Variants in OLFML1 observed in about 807,000 individuals in gnomAD.
The protein encoded by OLFML1 is olfactomedin-like protein 1.
In OLFML1, 33 loss-of-function variants were observed where a neutral mutation model predicts 37.3. The observed-to-expected ratio is 0.88, with a 90% CI of 0.67 to 1.18. OLFML1 has a LOEUF of 1.18. OLFML1 is among the 50% of genes most tolerant of loss of function. The pLI is 0.00. For missense variants in OLFML1, 545 were observed against 483.7 expected (o/e 1.13, Z -1.19); for synonymous variants, 186 against 181.3 (o/e 1.03, Z -0.21).
In OLFML1 at chr11:7,488,427, G is replaced by T. The variant is rs184006858; in HGVS notation, c.418+12G>T. 865 of 1,601,916 alleles carry T rather than the reference G, an allele frequency of 5.4e-4. No homozygotes were observed. Among genetic ancestry groups the T allele is most frequent in the Admixed American group, 9.1e-4 (53 of 58,224 alleles). On this transcript the variant is annotated intron_variant, in intron 2 of 2. Transcript: ENST00000329293. ...TCTGCTGAATGCAAGTAAGAAAACTGCATCTTTTCCTAGCCCTTCTAGGGA... is the reference window on the plus strand; with the variant it reads ...TCTGCTGAATGCAAGTAAGAAAACTTCATCTTTTCCTAGCCCTTCTAGGGA...
chr11:7,496,547 T>A (rs912344712), intron 2 of OLFML1, among the ~76,000 whole-genome samples: 5 of 152,120 alleles, frequency 3.3e-5, no homozygotes, highest in African/African-American at 1.2e-4. Flanking sequence ...TGAGAAAGGA[T>A]AAAAAGAACA....
At chr11:7,497,275 AT>A (rs1474264450) in intron 2 of OLFML1, among the ~76,000 whole-genome samples, 4 of 152,220 alleles carry the variant, frequency 2.6e-5, no homozygotes, top group African/African-American at 4.8e-5. Context: ...TAAGACATGC[AT>A]CTGTGAAAAA....
chr11:7,501,910 A>T (rs1319837578), intron 2 of OLFML1, among the ~76,000 whole-genome samples: 1 of 152,172 alleles, frequency 6.6e-6, no homozygotes, highest in East Asian at 1.9e-4. Flanking sequence ...CTATCCATGA[A>T]GTTGAAGGAG....
rs772992576 is a variant in OLFML1, at chr11:7,488,261, G to C, written c.264G>C (p.Leu88Phe). 1 of 1,614,062 alleles carries C rather than the reference G, an allele frequency of 6.2e-7. No individual in the cohort carries two copies. The highest frequency in any genetic ancestry group is 8.5e-7 in the Non-Finnish European group (1 of 1,180,000). The change falls in exon 2 of 3, where the codon TTG becomes TTC. Residue 88 changes from leucine to phenylalanine, a missense_variant. Leu to Phe is a conservative substitution (Grantham distance 22). Transcript: ENST00000329293. The part of the protein sequence containing the change: ...TSEYKSAVGN[L>F]ALRVERAQRE... ...AGTACAAGAGTGCAGTGGGTAACTT[G>C]GCACTGAGAGTTGAACGTGCCCAAC...
At chr11:7,488,853 G>A (rs2134175144) in intron 2 of OLFML1, 1 of 163,210 alleles carries the variant, frequency 6.1e-6, no homozygotes, top group African/African-American at 2.4e-5. Context: ...CTCAGGGATG[G>A]GAACTGCAGT....
intron 2 of OLFML1, among the ~76,000 whole-genome samples, chr11:7,504,587 T>C (rs1442617572): frequency 1.3e-5 from 2 of 152,072 alleles, no homozygotes; most frequent in East Asian, 3.9e-4. Context: ...CAGGAGATGA[T>C]GTAGTTCTCC....
In OLFML1 at chr11:7,486,006, T is replaced by C; in HGVS notation, c.129+2T>C. The C allele has an allele frequency of 1.2e-6, 2 of 1,613,820 alleles. No homozygotes were observed. The highest frequency in any genetic ancestry group is 1.1e-5 in the South Asian group (1 of 91,044). On this transcript the variant is annotated splice_donor_variant, in intron 1 of 2. Transcript: ENST00000329293. LOFTEE classifies it high-confidence loss of function. Reference sequence around the variant, plus strand: ...TACCAGCGCTTTCGAGTCTTGGAGGTAGGTGGCATCTGTACACCTTGGATA... The same window carrying C: ...TACCAGCGCTTTCGAGTCTTGGAGGCAGGTGGCATCTGTACACCTTGGATA...
At position 7,498,767 on chromosome 11, in the gene OLFML1, C is replaced by T. The variant is rs569795789; in HGVS notation, c.418+10352C>T. On this transcript the variant is annotated intron_variant, in intron 2 of 2. Coordinates refer to ENST00000329293, the MANE Select transcript of OLFML1 (RefSeq NM_198474.4). Reference sequence around the variant, plus strand: ...GAATTCATCACTCTTCCCAAGCCAACCTGCTTTTCCTTCTCTGCTGCTATC... The same window carrying T: ...GAATTCATCACTCTTCCCAAGCCAATCTGCTTTTCCTTCTCTGCTGCTATC... Among the ~76,000 whole-genome samples the T allele has an allele frequency of 7.9e-5, 12 of 152,350 alleles. No homozygotes were observed. In the South Asian group the frequency reaches 2.3e-3, roughly 29 times the overall value.
Position 7,504,143 on chromosome 11 carries a change from G to A in OLFML1, c.419-5255G>A, listed in dbSNP as rs1838990855. Reference sequence around the variant, plus strand: ...TAGGGTGACGGGAAAAGGTCTAAATGACCAAGGACCATTTGAGAACAGGCA... The same window carrying A: ...TAGGGTGACGGGAAAAGGTCTAAATAACCAAGGACCATTTGAGAACAGGCA... On this transcript the variant is annotated intron_variant, in intron 2 of 2. Coordinates refer to ENST00000329293, the MANE Select transcript of OLFML1 (RefSeq NM_198474.4). Among the ~76,000 whole-genome samples the A allele has an allele frequency of 2.6e-5, 4 of 152,068 alleles. No homozygotes were observed. In the South Asian group the frequency reaches 8.3e-4, roughly 32 times the overall value.
intron 2 of OLFML1, among the ~76,000 whole-genome samples, chr11:7,496,821 G>T (rs983923890): frequency 1.3e-5 from 2 of 152,166 alleles, no homozygotes; most frequent in Non-Finnish European, 1.5e-5. Context: ...CAGATAATTG[G>T]TGGAAAGTGG....
rs376946259 is a variant in OLFML1, at chr11:7,509,875, C to T, written c.896C>T (p.Pro299Leu). The change falls in exon 3 of 3, where the codon CCG becomes CTG. Residue 299 changes from proline (P) to leucine (L), a missense_variant. Pro to Leu is a moderately conservative substitution (Grantham distance 98). Transcript: ENST00000329293. ...HSHLVLTKIE[P>L]GTLGVEHSWD... The stretch of plus-strand genomic sequence containing the variant: ...CATTTGGTTCTCACAAAGATTGAGC[C>T]GGGCACACTGGGAGTGGAGCATTCA... The T allele has an allele frequency of 3.6e-5, 58 of 1,614,214 alleles. No homozygotes were observed. The East Asian group carries it at 5.1e-4, about 14-fold the overall frequency.
At chr11:7,492,032 A>G (rs1169963942) in intron 2 of OLFML1, among the ~76,000 whole-genome samples, 11 of 152,336 alleles carry the variant, frequency 7.2e-5, no homozygotes, top group Middle Eastern at 3.4e-3. Flanking sequence ...ATGTAATGCA[A>G]TCACAGAGTG....
At chr11:7,502,512 T>A (rs1466424352) in intron 2 of OLFML1, among the ~76,000 whole-genome samples, 4 of 152,156 alleles carry the variant, frequency 2.6e-5, no homozygotes, top group Non-Finnish European at 2.9e-5. Context: ...AAAGTGATGA[T>A]GAATGGATTC....
At position 7,488,197 on chromosome 11, in the gene OLFML1, T is replaced by C. The variant is rs922655926; in HGVS notation, c.200T>C (p.Ile67Thr). 8.7e-6 allele frequency: 14 copies of C among 1,613,572 alleles called. No individual in the cohort carries two copies. Among genetic ancestry groups the C allele is most frequent in the Non-Finnish European group, 1.2e-5 (14 of 1,179,696 alleles). The change falls in exon 2 of 3, where the codon ATA becomes ACA. Residue 67 changes from isoleucine (I) to threonine (T), a missense_variant. By Grantham distance (89) the Ile-to-Thr change is moderately conservative (BLOSUM62 -1). Transcript: ENST00000329293. ...IQEFQEFSKN[I>T]SVMLGRCQTY... Reference sequence around the variant, plus strand: ...GAATTCCAAGAGTTCTCAAAAAATATATCTGTCATGCTGGGAAGATGTCAG... The same window carrying C: ...GAATTCCAAGAGTTCTCAAAAAATACATCTGTCATGCTGGGAAGATGTCAG...
chr11:7,494,623 A>G (rs945689853), intron 2 of OLFML1, among the ~76,000 whole-genome samples: 1 of 152,154 alleles, frequency 6.6e-6, no homozygotes, highest in Non-Finnish European at 1.5e-5. Context: ...AGTGATAAGC[A>G]TGGGAGTGTC....
chr11:7,503,528 A>C (rs1848747549), intron 2 of OLFML1, among the ~76,000 whole-genome samples: 1 of 152,222 alleles, frequency 6.6e-6, no homozygotes, highest in Non-Finnish European at 1.5e-5. Context: ...ATTCAGAAAA[A>C]TGGGCAGTGG....
At chr11:7,503,391 A>G (rs1371151659) in intron 2 of OLFML1, among the ~76,000 whole-genome samples, 1 of 152,208 alleles carries the variant, frequency 6.6e-6, no homozygotes, top group Non-Finnish European at 1.5e-5. Context: ...TCAAGAAGAG[A>G]AAGAGTTTTG....
At chr11:7,499,611 C>A (rs1848698631) in intron 2 of OLFML1, among the ~76,000 whole-genome samples, 1 of 152,142 alleles carries the variant, frequency 6.6e-6, no homozygotes, top group African/African-American at 2.4e-5. Context: ...ACACATAGAG[C>A]CAAAGGCTGA....
At chr11:7,489,932 G>C (rs78772981) in intron 2 of OLFML1, among the ~76,000 whole-genome samples, 7,192 of 151,968 alleles carry the variant, frequency 0.047, 255 homozygotes, top group Non-Finnish European at 0.076. Context: ...TGGCTCATAG[G>C]TTATTTCCTA....
Sources: allele counts gnomAD v4.1 joint callset (sites outside exome capture counted in the v4.1 genomes callset), GRCh38; gene constraint gnomAD v4.1.1; transcripts MANE v1.5; gene names NCBI Gene and HGNC (gene_info 2026-07-23, HGNC 2026-07-21).